The following TENM2 variants were observed in gnomAD, a reference collection of about 807,000 sequenced individuals.
The protein encoded by TENM2 is teneurin transmembrane protein 2, also known as teneurin-2.
Under a neutral mutation model 245.2 loss-of-function variants are expected in TENM2, and 52 were observed. That is an observed-to-expected ratio of 0.21 (90% CI 0.17 to 0.27). The LOEUF (loss-of-function observed/expected upper bound fraction) is 0.27, where lower values mean the gene tolerates loss of function less well. Ranked by LOEUF, TENM2 falls within the 10% of genes least tolerant of loss-of-function variation. TENM2 has a pLI of 1.00. For synonymous variants in TENM2, 1,363 were observed against 1,438.9 expected (o/e 0.95, Z 1.19); for missense variants, 3,046 against 3,666.8 (o/e 0.83, Z 4.37).
intron 26 of TENM2, among the ~76,000 whole-genome samples, chr5:168,245,572 T>TAAA (rs35630506): frequency 2.5e-5 from 3 of 120,094 alleles, no homozygotes; most frequent in Non-Finnish European, 3.4e-5. Flanking sequence ...GGAGTGGCGG[T>TAAA]AAAAAAAAAA....
chr5:167,134,641 G>C, the TENM2 span, among the ~76,000 whole-genome samples: 1 of 152,160 alleles, frequency 6.6e-6, no homozygotes, highest in Admixed American at 6.6e-5. Flanking sequence ...CCTTTATTTA[G>C]AAGTTAGAGA....
intron 1 of TENM2, among the ~76,000 whole-genome samples, chr5:167,344,323 TATATATAG>T (rs1758327885): frequency 8.1e-6 from 1 of 123,646 alleles, no homozygotes; most frequent in African/African-American, 2.7e-5. Context: ...TATATATATA[TATATATAG>T]ATATATTGCA....
At chr5:167,557,290 T>G (rs1441496460) in intron 2 of TENM2, among the ~76,000 whole-genome samples, 2 of 152,228 alleles carry the variant, frequency 1.3e-5, no homozygotes, top group African/African-American at 2.4e-5. Flanking sequence ...CCATCACGAT[T>G]GTCACCATGA....
At chr5:167,253,750 G>A in the TENM2 span, among the ~76,000 whole-genome samples, 11 of 151,980 alleles carry the variant, frequency 7.2e-5, no homozygotes, top group East Asian at 5.8e-4. Flanking sequence ...GTATTAGGGC[G>A]ATGTTTAGTG....
chr5:167,919,331 G>A (rs1388030631), intron 3 of TENM2, among the ~76,000 whole-genome samples: 1 of 152,142 alleles, frequency 6.6e-6, no homozygotes, highest in Non-Finnish European at 1.5e-5. Flanking sequence ...TAAAGTGCTG[G>A]CGAATGTTAA....
the TENM2 span, among the ~76,000 whole-genome samples, chr5:167,241,592 G>T: frequency 5.9e-5 from 9 of 152,288 alleles, no homozygotes; most frequent in Admixed American, 2.6e-4. Flanking sequence ...GGTATAACAC[G>T]ACTCAAGAGA....
the TENM2 span, among the ~76,000 whole-genome samples, chr5:167,129,705 G>A: frequency 6.6e-6 from 1 of 152,160 alleles, no homozygotes; most frequent in African/African-American, 2.4e-5. Context: ...TATAGAGAGT[G>A]TGCAAGAAAA....
At chr5:166,982,302 G>T in the TENM2 span, among the ~76,000 whole-genome samples, 2 of 152,068 alleles carry the variant, frequency 1.3e-5, no homozygotes, top group African/African-American at 4.8e-5. Context: ...CTCTGCATGT[G>T]TGAATCCTTT....
chr5:168,105,300 G>T (rs1251419078), intron 9 of TENM2, among the ~76,000 whole-genome samples: 1 of 152,170 alleles, frequency 6.6e-6, no homozygotes, highest in African/African-American at 2.4e-5. Flanking sequence ...GTTCAGCCAG[G>T]CAGGTGGGAG....
At position 167,643,382 on chromosome 5, in the gene TENM2, C is replaced by T. The variant is rs529159481; in HGVS notation, c.503-232604C>T. ...CCAGTGGAATCATGCAGTATGCGGT[C>T]GCTTGTGTCTAGATTATTTCACTTG... On this transcript the variant is annotated intron_variant, in intron 2 of 28. Coordinates refer to ENST00000518659, the Ensembl canonical transcript of TENM2. Among the ~76,000 whole-genome samples the T allele has an allele frequency of 5.3e-5, 8 of 152,176 alleles. No individual in the cohort carries two copies. In the East Asian group the frequency reaches 1.4e-3, roughly 26 times the overall value.
At chr5:167,133,494 C>T in the TENM2 span, among the ~76,000 whole-genome samples, 7 of 152,020 alleles carry the variant, frequency 4.6e-5, no homozygotes, top group East Asian at 1.4e-3. Context: ...AAAGCAGAAA[C>T]TCAAATACCT....
At chr5:167,462,584 G>T (rs1766385240) in intron 2 of TENM2, among the ~76,000 whole-genome samples, 1 of 152,048 alleles carries the variant, frequency 6.6e-6, no homozygotes, top group Non-Finnish European at 1.5e-5. Context: ...CTGGAAAGGG[G>T]ATGGAGTGGG....
intron 1 of TENM2, among the ~76,000 whole-genome samples, chr5:167,370,266 C>A (rs1581863825): frequency 7.0e-6 from 1 of 143,508 alleles, no homozygotes; most frequent in Admixed American, 7.3e-5. Flanking sequence ...GGCGTGAACC[C>A]GGGAGGTGGA....
intron 2 of TENM2, among the ~76,000 whole-genome samples, chr5:167,389,308 T>C (rs1761625584): frequency 6.6e-6 from 1 of 151,316 alleles, no homozygotes; most frequent in Non-Finnish European, 1.5e-5. Context: ...AAAAATCACC[T>C]ATAATTTGAC....
At chr5:167,348,446 G>A (rs897941247) in intron 1 of TENM2, among the ~76,000 whole-genome samples, 5 of 152,160 alleles carry the variant, frequency 3.3e-5, no homozygotes, top group Admixed American at 6.5e-5. Context: ...TCCAAGGGGC[G>A]CTTATCCTGG....
chr5:168,214,151 G>T (rs1017276174), intron 20 of TENM2, among the ~76,000 whole-genome samples: 3 of 152,208 alleles, frequency 2.0e-5, no homozygotes, highest in African/African-American at 7.2e-5. Flanking sequence ...AGCTGGGTCA[G>T]AATTGAGTTT....
At chr5:167,776,593 G>GAA (rs869252752) in intron 2 of TENM2, among the ~76,000 whole-genome samples, 27 of 36,008 alleles carry the variant, frequency 7.5e-4, no homozygotes, top group African/African-American at 1.7e-3. Context: ...GACCCTGTCT[G>GAA]AAAAAAAAAA....
the TENM2 span, among the ~76,000 whole-genome samples, chr5:167,132,137 A>AT: frequency 1.3e-5 from 2 of 152,002 alleles, no homozygotes; most frequent in East Asian, 3.9e-4. Flanking sequence ...GGTATTTTTA[A>AT]TTTTTGTTTT....
chr5:167,395,003 T>A (rs1321434515), intron 2 of TENM2, among the ~76,000 whole-genome samples: 1 of 152,160 alleles, frequency 6.6e-6, no homozygotes, highest in African/African-American at 2.4e-5. Flanking sequence ...GATTTTAGGA[T>A]TATTTGTTCT....
Sources: allele counts gnomAD v4.1 joint callset (sites outside exome capture counted in the v4.1 genomes callset), GRCh38; gene constraint gnomAD v4.1.1; transcripts MANE v1.5; gene names NCBI Gene and HGNC (gene_info 2026-07-23, HGNC 2026-07-21).